YEATS2: variants seen among roughly 807,000 people sequenced by gnomAD.
The protein encoded by YEATS2 is YEATS domain-containing protein 2.
A neutral mutation model predicts 163.2 loss-of-function variants in YEATS2; 77 were observed. The observed-to-expected ratio is 0.47, with a 90% CI of 0.39 to 0.57. The LOEUF is 0.57. Among genes scored for constraint, YEATS2 ranks in the 20% least tolerant of loss-of-function variants. The probability of loss-of-function intolerance (pLI) is 0.00; values close to 1 mark genes in which losing one functional copy is unlikely to be tolerated. For missense variants in YEATS2, 1,549 were observed against 1,729.8 expected, an observed-to-expected ratio of 0.90 and a Z score of 1.85; for synonymous variants, 631 against 645.1, an observed-to-expected ratio of 0.98 and a Z score of 0.33.
Position 183,800,546 on chromosome 3 carries a change from G to T in YEATS2, c.3406G>T (p.Glu1136Ter). The T allele has an allele frequency of 6.2e-7, 1 of 1,614,086 alleles. No individual in the cohort carries two copies. Among genetic ancestry groups the T allele is most frequent in the South Asian group, 1.1e-5 (1 of 91,078 alleles). The change falls in exon 24 of 31, where the codon GAG (glutamate) becomes TAG (stop). Residue 1136 changes from glutamate to a stop codon, truncating the protein, a stop_gained. Transcript: ENST00000305135. LOFTEE classifies it high-confidence loss of function. The part of the protein sequence containing the change: ...QTAVKTEESS[E>*]LGNYVIKIDH... Reference sequence around the variant, plus strand: ...AGCAGTGAAAACAGAAGAAAGTTCTGAGCTGGGAAACTATGTCATTAAGTA... The same window carrying T: ...AGCAGTGAAAACAGAAGAAAGTTCTTAGCTGGGAAACTATGTCATTAAGTA...
intron 8 of YEATS2, among the ~76,000 whole-genome samples, chr3:183,743,449 T>C (rs891257007): frequency 6.6e-6 from 1 of 152,102 alleles, no homozygotes; most frequent in African/African-American, 2.4e-5. Flanking sequence ...CAGGTGATCC[T>C]CTTATCTCAG....
At chr3:183,733,715 TTCA>T (rs1422370945) in intron 7 of YEATS2, among the ~76,000 whole-genome samples, 1 of 152,242 alleles carries the variant, frequency 6.6e-6, no homozygotes, top group Non-Finnish European at 1.5e-5. Flanking sequence ...CCTGAATCTC[TTCA>T]TCACAGCACA....
intron 18 of YEATS2, among the ~76,000 whole-genome samples, 159 bp from the exon 19 acceptor site, chr3:183,777,383 A>G (rs776839119): frequency 2.7e-4 from 41 of 152,364 alleles, no homozygotes; most frequent in Admixed American, 1.3e-3. Flanking sequence ...CACTTAGAGC[A>G]CAACTATTCT....
rs141601710 is a variant in YEATS2 at position 183,779,737 on chromosome 3, C to T, written c.2736+2037C>T. Reference sequence around the variant, plus strand: ...TTTTTGAGACACAGCCTTGCTCTGTCGCCAGGCTGGAGTGCAGTGGCACGA... The same window carrying T: ...TTTTTGAGACACAGCCTTGCTCTGTTGCCAGGCTGGAGTGCAGTGGCACGA... On this transcript the variant is annotated intron_variant, in intron 19 of 30. Transcript: ENST00000305135. Among the ~76,000 whole-genome samples, 1,792 of 151,948 alleles carry T rather than the reference C, an allele frequency of 0.012. 66 individuals are homozygous for T. In the East Asian group the frequency reaches 0.14, roughly 12 times the overall value.
chr3:183,716,020 C>T (rs547839177), intron 2 of YEATS2, among the ~76,000 whole-genome samples: 5 of 151,972 alleles, frequency 3.3e-5, no homozygotes, highest in Admixed American at 6.6e-5. Flanking sequence ...AGTGCAGTGG[C>T]GTGATCTCGG....
In YEATS2 at chr3:183,798,888, T is replaced by C. The variant is rs1259865756; in HGVS notation, c.3227-3T>C. 2 of 1,610,884 alleles carry C rather than the reference T, an allele frequency of 1.2e-6. No homozygotes were observed. Among genetic ancestry groups the C allele is most frequent in the African/African-American group, 2.7e-5 (2 of 74,864 alleles). On this transcript the variant is annotated splice_polypyrimidine_tract_variant and splice_region_variant and intron_variant, in intron 22 of 30. Coordinates refer to ENST00000305135, the MANE Select transcript of YEATS2 (RefSeq NM_018023.5). ...ATATCCCTCCCTCCTTTTTTCCCTT[T>C]AGTGGTTCAGTCATTTTCTACCAGC...
At chr3:183,763,073 T>TAAA (rs34593843) in intron 15 of YEATS2, among the ~76,000 whole-genome samples, 1 of 148,852 alleles carries the variant, frequency 6.7e-6, no homozygotes, top group Admixed American at 6.7e-5. Flanking sequence ...ATTAAAAAAT[T>TAAA]AAAAAAAAAA....
chr3:183,810,681 T>A lies in YEATS2; in HGVS notation c.*98T>A. ...GGAAGGAGGTGGTTTCCAGTGTGAC[T>A]CGGCATGTCATGGCTACCCAACCTT... On this transcript the variant is annotated 3_prime_UTR_variant, in exon 31 of 31. Transcript: ENST00000305135. The A allele has an allele frequency of 8.8e-7, 1 of 1,141,462 alleles. No homozygotes were observed. Among genetic ancestry groups the A allele is most frequent in the Non-Finnish European group, 1.3e-6 (1 of 776,822 alleles). The allele number at this position is 1,141,462 out of a possible 1,614,324, so 70.7% of individuals were successfully genotyped here.
intron 19 of YEATS2, among the ~76,000 whole-genome samples, chr3:183,784,111 G>A (rs1723831176): frequency 6.6e-6 from 1 of 152,112 alleles, no homozygotes; most frequent in Admixed American, 6.6e-5. Flanking sequence ...GGTTGCCCAG[G>A]CTGGTCTTGA....
chr3:183,779,812 C>T (rs1013340259), intron 19 of YEATS2, among the ~76,000 whole-genome samples: 2 of 151,952 alleles, frequency 1.3e-5, no homozygotes, highest in South Asian at 2.1e-4. Context: ...ATTCTCCTGC[C>T]TCAGCCTCCC....
Position 183,801,103 on chromosome 3 carries a change from C to T in YEATS2, c.3429-352C>T, listed in dbSNP as rs1311208045. The T allele has an allele frequency of 4.4e-5, 8 of 181,604 alleles. 1 individual carries two copies. In the East Asian group the frequency reaches 4.6e-4, roughly 10 times the overall value. The allele number at this position is 181,604 out of a possible 1,614,324, so 11.2% of individuals were successfully genotyped here. A position where few individuals can be genotyped will look rare whatever the true frequency, so the allele number is the denominator to read the frequency against. On this transcript the variant is annotated intron_variant, in intron 24 of 30. Coordinates refer to ENST00000305135, the MANE Select transcript of YEATS2 (RefSeq NM_018023.5). ...GCCACTCTAACATGGTAGATGGAGG[C>T]GTGAACTGTAATAACCCTAAGATGG...
chr3:183,743,550 T>C (rs958514230), intron 8 of YEATS2, among the ~76,000 whole-genome samples: 3 of 152,072 alleles, frequency 2.0e-5, no homozygotes, highest in African/African-American at 7.2e-5. Flanking sequence ...TCCACTGTGT[T>C]GCCCAGGCTG....
chr3:183,790,492 G>GT (rs1724515363), intron 20 of YEATS2, among the ~76,000 whole-genome samples: 1 of 152,122 alleles, frequency 6.6e-6, no homozygotes, highest in African/African-American at 2.4e-5. Flanking sequence ...TGTCCTCCTA[G>GT]TTTTTTGGTG....
chr3:183,698,213 G>A (rs1713683600), intron 1 of YEATS2, among the ~76,000 whole-genome samples: 1 of 152,172 alleles, frequency 6.6e-6, no homozygotes, highest in Admixed American at 6.5e-5. Context: ...ATTGGAACGT[G>A]AGTTGGGGGC....
intron 20 of YEATS2, among the ~76,000 whole-genome samples, chr3:183,786,959 T>C (rs1198575649): frequency 6.6e-6 from 1 of 152,158 alleles, no homozygotes; most frequent in African/African-American, 2.4e-5. Flanking sequence ...AAGGTAACTT[T>C]TTTTGTTGTT....
chr3:183,717,255 A>G (rs1715990440), intron 2 of YEATS2, among the ~76,000 whole-genome samples: 1 of 152,144 alleles, frequency 6.6e-6, no homozygotes, highest in Admixed American at 6.5e-5. Context: ...CATACAGGGC[A>G]TTTAGCTGTC....
chr3:183,700,347 A>C (rs1713926609), intron 1 of YEATS2, among the ~76,000 whole-genome samples: 3 of 152,152 alleles, frequency 2.0e-5, no homozygotes. Flanking sequence ...TACGATGTAC[A>C]TTACCCTGTA....
chr3:183,732,302 A>C (rs1717873887), intron 7 of YEATS2, among the ~76,000 whole-genome samples: 1 of 151,606 alleles, frequency 6.6e-6, no homozygotes. Flanking sequence ...TACAAAAAAA[A>C]ATTAGCCATG....
At chr3:183,771,445 A>T (rs903255617) in intron 15 of YEATS2, among the ~76,000 whole-genome samples, 7 of 151,108 alleles carry the variant, frequency 4.6e-5, no homozygotes, top group Non-Finnish European at 7.4e-5. Context: ...GTATTTTCTT[A>T]AAAGAATTCA....
Sources: gnomAD v4.1 joint callset for allele counts (sites outside exome capture counted in the v4.1 genomes callset) on GRCh38, gnomAD v4.1.1 for gene constraint, MANE v1.5 for transcripts, NCBI Gene and HGNC (gene_info 2026-07-23, HGNC 2026-07-21) for gene names.